Variants in PTK7 observed in about 807,000 individuals in gnomAD.
PTK7 encodes the protein inactive tyrosine-protein kinase 7.
Under a neutral mutation model 116.6 loss-of-function variants are expected in PTK7, and 39 were observed. The observed-to-expected ratio is 0.33, with a 90% CI of 0.26 to 0.44. PTK7 has a LOEUF of 0.44. Among genes scored for constraint, PTK7 ranks in the 20% least tolerant of loss-of-function variants. The probability of loss-of-function intolerance (pLI) is 1.00; values close to 1 mark genes in which losing one functional copy is unlikely to be tolerated. For missense variants in PTK7, 1,169 were observed against 1,425.6 expected (o/e 0.82, Z 2.90); for synonymous variants, 546 against 563.6 (o/e 0.97, Z 0.44).
rs755214453 is a variant in PTK7, at chr6:43,129,409, T to C, written c.367+145T>C. ...ATTTATCATCAGCTTTTTTTGCTCATGTGGATAAGAGGAAATTAAAAGTTA... is the reference window on the plus strand; with the variant it reads ...ATTTATCATCAGCTTTTTTTGCTCACGTGGATAAGAGGAAATTAAAAGTTA... On this transcript the variant is annotated intron_variant, in intron 2 of 19. Transcript: ENST00000230419. This position sits in a 1 kb window ranked among gnomAD's most constrained non-coding sequence, Gnocchi z 4.5. 1.7e-4 allele frequency: 194 copies of C among 1,127,162 alleles called. No homozygotes were observed. Among genetic ancestry groups the C allele is most frequent in the Non-Finnish European group, 2.2e-4 (179 of 802,818 alleles). 69.8% of individuals were successfully genotyped at this position (1,127,162 alleles called of 1,614,324 possible).
chr6:43,131,969 C>G (rs781228799), intron 5 of PTK7, 47 bp from the exon 6 acceptor site: 1 of 1,610,544 alleles, frequency 6.2e-7, no homozygotes, highest in Admixed American at 1.7e-5. Flanking sequence ...CTTTCCAGAA[C>G]TAGGCCTATT....
At chr6:43,135,722 T>C (rs1250132556) in intron 7 of PTK7, among the ~76,000 whole-genome samples, 2 of 152,236 alleles carry the variant, frequency 1.3e-5, no homozygotes, top group Non-Finnish European at 2.9e-5. Context: ...CTAAATCCCA[T>C]AGGCCTTGTA....
Position 43,129,051 on chromosome 6 carries a change from C to T in PTK7, c.154C>T (p.Arg52Cys), listed in dbSNP as rs773566614. The change falls in exon 2 of 20, where the codon CGC becomes TGC. Residue 52 changes from arginine to cysteine, a missense_variant. Around this residue, in one of 3 missense-constraint regions of PTK7, gnomAD observed 487 missense variants for 549.8 expected, o/e 0.89. Coordinates refer to ENST00000230419, the MANE Select transcript of PTK7 (RefSeq NM_002821.5). The surrounding 1 kb of genome is among the most constrained non-coding windows in gnomAD (Gnocchi z 4.5). ...DALQGRRALL[R>C]CEVEAPGPVH... is the part of the protein sequence containing the mutation. ...ACTGCAGGGGCGCCGGGCGCTGCTT[C>T]GCTGTGAGGTTGAGGCTCCGGGCCC... The T allele has an allele frequency of 5.6e-6, 9 of 1,614,076 alleles. No individual in the cohort carries two copies. Among genetic ancestry groups the T allele is most frequent in the East Asian group, 2.2e-5 (1 of 44,888 alleles).
chr6:43,092,586 G>T (rs550531749), intron 1 of PTK7, among the ~76,000 whole-genome samples: 2 of 152,252 alleles, frequency 1.3e-5, no homozygotes, highest in South Asian at 2.1e-4. Flanking sequence ...CCCCAGGATT[G>T]GGGGGACTAC....
At chr6:43,132,863 G>T in intron 7 of PTK7, 176 bp downstream of exon 7, 1 of 852,966 alleles carries the variant, frequency 1.2e-6, no homozygotes, top group East Asian at 2.7e-5. Flanking sequence ...AGGCACAGGG[G>T]TTAGGGTGGG....
rs1255273146 is a variant in PTK7, at chr6:43,143,156, A to T, written c.2048-261A>T. On this transcript the variant is annotated intron_variant, in intron 13 of 19. Coordinates refer to ENST00000230419, the MANE Select transcript of PTK7 (RefSeq NM_002821.5). The surrounding 1 kb of genome is among the most constrained non-coding windows in gnomAD (Gnocchi z 4.2). ...CGTGGGTTTGTGGTAGCTCCTTGAC[A>T]GGTGTGCTTATCCGTGTCGCCTGTC... 3 of 446,270 alleles carry T rather than the reference A, an allele frequency of 6.7e-6. No homozygotes were observed. Among genetic ancestry groups the T allele is most frequent in the Non-Finnish European group, 1.2e-5 (3 of 248,482 alleles). The allele number at this position is 446,270 out of a possible 1,614,324, so 27.6% of individuals were successfully genotyped here.
At chr6:43,144,710 G>A (rs1356608515) in intron 15 of PTK7, 104 bp downstream of exon 15, 2 of 1,383,372 alleles carry the variant, frequency 1.4e-6, no homozygotes, top group African/African-American at 1.5e-5. Context: ...AACCTAGAAT[G>A]TTAGAGGTGG....
At chr6:43,140,063 G>A (rs1476847577) in intron 10 of PTK7, among the ~76,000 whole-genome samples, 1 of 152,180 alleles carries the variant, frequency 6.6e-6, no homozygotes, top group Non-Finnish European at 1.5e-5. Context: ...GCAGTGGGCC[G>A]AGATCATGCC....
In PTK7 at chr6:43,141,635, C is replaced by T. The variant is rs1429934457; in HGVS notation, c.1619-33C>T. On this transcript the variant is annotated intron_variant, in intron 10 of 19. Transcript: ENST00000230419. The surrounding 1 kb of genome is among the most constrained non-coding windows in gnomAD (Gnocchi z 4.9). Reference sequence around the variant, plus strand: ...TGCCAGCTGTCTGTGTAACCCTGATCCTTCCCATAATTTCCCTTTGTTACC... The same window carrying T: ...TGCCAGCTGTCTGTGTAACCCTGATTCTTCCCATAATTTCCCTTTGTTACC... The T allele has an allele frequency of 6.2e-7, 1 of 1,607,842 alleles. No individual in the cohort carries two copies. The highest frequency in any genetic ancestry group is 8.5e-7 in the Non-Finnish European group (1 of 1,175,796).
At chr6:43,100,991 G>C (rs1455884899) in intron 1 of PTK7, among the ~76,000 whole-genome samples, 1 of 145,430 alleles carries the variant, frequency 6.9e-6, no homozygotes, top group Non-Finnish European at 1.5e-5. Flanking sequence ...CCAGCACTTT[G>C]GGAGGCCGAG....
rs750933412 is a variant in PTK7, at chr6:43,122,606, C to CTT, written c.80-6353_80-6352dup. On this transcript the variant is annotated intron_variant, in intron 1 of 19. Transcript: ENST00000230419. ...CAGGCCGTGGAGCCGGGGACTGAAT[C>CTT]TTTTTTTTTTTTTTTTTTTGAGATG... Among the ~76,000 whole-genome samples the CTT allele has an allele frequency of 2.7e-3, 339 of 123,778 alleles. 3 individuals are homozygous for CTT. The highest frequency in any genetic ancestry group is 9.3e-3 in the African/African-American group (292 of 31,536). The allele number at this position is 123,778 out of a possible 152,430, so 81.2% of individuals were successfully genotyped here.
chr6:43,158,903 C>T lies in PTK7; in HGVS notation c.2808C>T (p.Cys936=). The T allele has an allele frequency of 6.2e-7, 1 of 1,614,218 alleles. No individual in the cohort carries two copies. The highest frequency in any genetic ancestry group is 8.5e-7 in the Non-Finnish European group (1 of 1,180,040). ...ATAAGGACTTGGCTGCGCGTAACTGCCTGGTCAGTGCCCAGAGACAAGTGA... is the reference window on the plus strand; with the variant it reads ...ATAAGGACTTGGCTGCGCGTAACTGTCTGGTCAGTGCCCAGAGACAAGTGA... ...FVHKDLAARN[C]LVSAQRQVKV... Residue 936 remains cysteine, a synonymous_variant, in exon 18 of 20, where the codon TGC becomes TGT. Coordinates refer to ENST00000230419, the MANE Select transcript of PTK7 (RefSeq NM_002821.5).
intron 1 of PTK7, among the ~76,000 whole-genome samples, chr6:43,126,763 C>T (rs1769311299): frequency 6.6e-6 from 1 of 152,230 alleles, no homozygotes; most frequent in Non-Finnish European, 1.5e-5. Context: ...GAACAGAGCC[C>T]TATTCCTGTG....
intron 19 of PTK7, among the ~76,000 whole-genome samples, chr6:43,160,197 C>G (rs1257559301): frequency 6.6e-6 from 1 of 152,188 alleles, no homozygotes; most frequent in Non-Finnish European, 1.5e-5. Context: ...TTCACTGCAA[C>G]TTCTGCCTCC....
In PTK7 at chr6:43,129,672, C is replaced by A; in HGVS notation, c.368-55C>A. 1 of 1,494,952 alleles carries A rather than the reference C, an allele frequency of 6.7e-7. No individual in the cohort carries two copies. Among genetic ancestry groups the A allele is most frequent in the East Asian group, 2.3e-5 (1 of 44,040 alleles). The allele number at this position is 1,494,952 out of a possible 1,614,324, so 92.6% of individuals were successfully genotyped here. A position where few individuals can be genotyped will look rare whatever the true frequency, so the allele number is the denominator to read the frequency against. ...TCCTGCTTGTCCTCCTTGCCCTCTGCCTTCCCGCCTTTGCCCTGCTCTGCC... is the reference window on the plus strand; with the variant it reads ...TCCTGCTTGTCCTCCTTGCCCTCTGACTTCCCGCCTTTGCCCTGCTCTGCC... On this transcript the variant is annotated intron_variant, in intron 2 of 19. Transcript: ENST00000230419. This position sits in a 1 kb window ranked among gnomAD's most constrained non-coding sequence, Gnocchi z 4.5.
intron 16 of PTK7, 130 bp from the exon 17 acceptor site, chr6:43,146,485 AAAG>A: frequency 2.7e-6 from 2 of 727,972 alleles, no homozygotes; most frequent in Non-Finnish European, 4.6e-6. Context: ...TCCCCCTGGG[AAAG>A]GGGCCCAGGC....
intron 1 of PTK7, among the ~76,000 whole-genome samples, chr6:43,094,415 T>C (rs1183862615): frequency 2.6e-5 from 4 of 151,954 alleles, no homozygotes; most frequent in African/African-American, 9.7e-5. Context: ...GGGGTTTATA[T>C]GGTAGGTGAA....
rs1401334793 is a variant in PTK7 at position 43,129,137 on chromosome 6, C to T, written c.240C>T (p.Ala80=). The part of the protein sequence containing the change: ...APVQDTERRF[A]QGSSLSFAAV... The stretch of plus-strand genomic sequence containing the variant: ...TCCAGGACACGGAGCGGCGTTTCGC[C>T]CAGGGCAGCAGCCTGAGCTTTGCAG... The change falls in exon 2 of 20, where the codon GCC becomes GCT. Residue 80 remains alanine (A), a synonymous_variant. Transcript: ENST00000230419. The surrounding 1 kb of genome is among the most constrained non-coding windows in gnomAD (Gnocchi z 4.5). The T allele has an allele frequency of 6.2e-7, 1 of 1,614,206 alleles. No individual in the cohort carries two copies. Among genetic ancestry groups the T allele is most frequent in the East Asian group, 2.2e-5 (1 of 44,884 alleles).
chr6:43,144,812 C>T (rs891380306), intron 15 of PTK7: 3 of 502,854 alleles, frequency 6.0e-6, no homozygotes, highest in Non-Finnish European at 1.0e-5. Flanking sequence ...TGTGTACTAC[C>T]TGTAGTATTA....
Sources: gnomAD v4.1 joint callset for allele counts (sites outside exome capture counted in the v4.1 genomes callset) on GRCh38, gnomAD v4.1.1 for gene constraint, gnomAD v4.1.1 regional missense constraint, Gnocchi (gnomAD v3.1) non-coding constraint, MANE v1.5 for transcripts, NCBI Gene and HGNC (gene_info 2026-07-23, HGNC 2026-07-21) for gene names.